FHIP2B: variants seen among roughly 807,000 people sequenced by gnomAD.
FHIP2B encodes the protein FHF complex subunit HOOK-interacting protein 2B.
In FHIP2B, 72 loss-of-function variants were observed where a neutral mutation model predicts 84.0. That is an observed-to-expected ratio of 0.86 (90% CI 0.71 to 1.04). The LOEUF is 1.04. FHIP2B is among the 50% of genes least tolerant of loss of function. The pLI is 0.00. For missense variants in FHIP2B, 972 were observed against 968.9 expected (o/e 1.00, Z -0.04); for synonymous variants, 497 against 418.7 (o/e 1.19, Z -2.28).
In FHIP2B at chr8:22,101,774, C is replaced by T; in HGVS notation, c.1774C>T (p.His592Tyr). ...TCTGACCCCCACACCTTTGGACCCC[C>T]ATGAGCCCGAGCGACCTTTCTTCGA... is the stretch of plus-strand genomic sequence containing the variant. ...WPLTPTPLDP[H>Y]EPERPFFEGH... Residue 592 changes from histidine (H) to tyrosine (Y), a missense_variant, in exon 14 of 17, where the codon CAT becomes TAT. Physicochemically the swap from His to Tyr is moderately conservative, Grantham distance 83. Transcript: ENST00000289921. 2 of 1,613,500 alleles carry T rather than the reference C, an allele frequency of 1.2e-6. No homozygotes were observed. The highest frequency in any genetic ancestry group is 1.7e-6 in the Non-Finnish European group (2 of 1,179,774).
At chr8:22,090,132 G>A (rs1397245020) in intron 1 of FHIP2B, among the ~76,000 whole-genome samples, 1 of 137,088 alleles carries the variant, frequency 7.3e-6, no homozygotes, top group African/African-American at 2.7e-5. Flanking sequence ...TGTAGGAAGG[G>A]TGGGGGTATT....
At chr8:22,099,250 AG>A (rs1825965050) in intron 8 of FHIP2B, 33 bp from the exon 9 acceptor site, 1 of 1,610,110 alleles carries the variant, frequency 6.2e-7, no homozygotes, top group Non-Finnish European at 8.5e-7. Flanking sequence ...AATTGTAATG[AG>A]GGCAAAACAC....
At chr8:22,094,929 G>T (rs937483348) in intron 2 of FHIP2B, 1 of 1,068,774 alleles carries the variant, frequency 9.4e-7, no homozygotes, top group Non-Finnish European at 1.1e-6. Context: ...CAGCTTAGGG[G>T]CAATGTCCTT....
intron 2 of FHIP2B, 173 bp downstream of exon 2, chr8:22,094,691 C>A: frequency 7.0e-7 from 1 of 1,435,380 alleles, no homozygotes; most frequent in Admixed American, 3.1e-5. Context: ...GAGCCCTGGG[C>A]CACTCCACTC....
At chr8:22,101,407 G>A (rs749555048) in intron 12 of FHIP2B, 33 bp from the exon 13 acceptor site, 31 of 1,545,042 alleles carry the variant, frequency 2.0e-5, no homozygotes, top group South Asian at 2.0e-4. Context: ...AGGGTGAGCC[G>A]GGAGCGCCTC....
At chr8:22,095,714 T>C (rs927744008) in intron 2 of FHIP2B, 6 of 152,222 alleles carry the variant, frequency 3.9e-5, no homozygotes, top group Non-Finnish European at 5.9e-5. Context: ...GCTCCAAGTC[T>C]AGCCCTGAAG....
rs367649297 is a variant in FHIP2B, at chr8:22,099,868, G to A, written c.1316G>A (p.Gly439Glu). 15 of 1,611,722 alleles carry A rather than the reference G, an allele frequency of 9.3e-6. No individual in the cohort carries two copies. In the Admixed American group the frequency reaches 1.5e-4, roughly 16 times the overall value. Residue 439 changes from glycine (G) to glutamate (E), a missense_variant, in exon 10 of 17, where the codon GGG (glycine) becomes GAG (glutamate). Transcript: ENST00000289921. ...CACACCCTGTATGCTCATCTCATCG[G>A]GCATTGTGACCACCTCTCTGATGAG... ...NPHTLYAHLI[G>E]HCDHLSDEIS...
At chr8:22,099,129 A>G in intron 8 of FHIP2B, 73 bp downstream of exon 8, 1 of 1,504,128 alleles carries the variant, frequency 6.6e-7, no homozygotes, top group South Asian at 1.2e-5. Flanking sequence ...GACCAAGTGG[A>G]GCAGGGACAT....
intron 2 of FHIP2B, chr8:22,096,123 C>T: frequency 3.9e-6 from 2 of 516,294 alleles, no homozygotes; most frequent in South Asian, 5.5e-5. Context: ...CATGCGTTCT[C>T]AGAGGACTGT....
Position 22,094,462 on chromosome 8 carries a change from T to C in FHIP2B, c.68T>C (p.Leu23Pro), listed in dbSNP as rs867583478. Residue 23 changes from leucine (L) to proline (P), a missense_variant, in exon 2 of 17, where the codon CTG becomes CCG. By Grantham distance (98) the Leu-to-Pro change is moderately conservative. Coordinates refer to ENST00000289921, the MANE Select transcript of FHIP2B (RefSeq NM_022749.7). ...VGAREPSIDL[L>P]QAFVEHWKGI... ...CAGCGCGAGCCCAGCATTGACCTGC[T>C]GCAGGCCTTCGTGGAGCACTGGAAG... 4 of 1,611,526 alleles carry C rather than the reference T, an allele frequency of 2.5e-6. No homozygotes were observed. Among genetic ancestry groups the C allele is most frequent in the Middle Eastern group, 3.3e-4 (2 of 6,004 alleles).
chr8:22,099,423 C>T lies in FHIP2B; in HGVS notation c.1151+63C>T, dbSNP rs1825978530. Reference sequence around the variant, plus strand: ...CAGTAAACCACCTACCCCACCCAGCCTCGTCCTGTCCCTAAGGCCAGACAC... The same window carrying T: ...CAGTAAACCACCTACCCCACCCAGCTTCGTCCTGTCCCTAAGGCCAGACAC... On this transcript the variant is annotated intron_variant, in intron 9 of 16. Transcript: ENST00000289921. 2.0e-6 allele frequency: 3 copies of T among 1,537,174 alleles called. No homozygotes were observed. In the East Asian group the frequency reaches 6.9e-5, roughly 35 times the overall value.
chr8:22,101,073 T>C, intron 12 of FHIP2B, 101 bp downstream of exon 12: 1 of 1,433,384 alleles, frequency 7.0e-7, no homozygotes. Context: ...TGGAGTGCAG[T>C]GGTACAATCT....
chr8:22,100,244 C>T (rs1247968176), intron 10 of FHIP2B: 3 of 371,498 alleles, frequency 8.1e-6, no homozygotes, highest in East Asian at 5.1e-5. Context: ...TATTTTTTTA[C>T]AGTATTTTAT....
chr8:22,099,077 G>C, intron 8 of FHIP2B, 21 bp downstream of exon 8: 3 of 1,560,830 alleles, frequency 1.9e-6, no homozygotes, highest in Non-Finnish European at 2.6e-6. Flanking sequence ...GCGGGCGGAG[G>C]CCGGGCTCTC....
chr8:22,091,240 C>CTTTTT (rs71204535), intron 1 of FHIP2B, among the ~76,000 whole-genome samples: 3 of 117,710 alleles, frequency 2.5e-5, no homozygotes, highest in African/African-American at 9.2e-5. Context: ...ATCATTACAG[C>CTTTTT]TTTTTTTTTT....
chr8:22,103,212 T>G lies in FHIP2B; in HGVS notation c.*281T>G. On this transcript the variant is annotated 3_prime_UTR_variant, in exon 17 of 17. Transcript: ENST00000289921. Reference sequence around the variant, plus strand: ...TGAGCACCCAGACCCCAGACCCTCATGTGCTGTGTGCCTGGCCCCTTCTGT... The same window carrying G: ...TGAGCACCCAGACCCCAGACCCTCAGGTGCTGTGTGCCTGGCCCCTTCTGT... 2.2e-6 allele frequency: 1 copy of G among 464,484 alleles called. No individual in the cohort carries two copies. The highest frequency in any genetic ancestry group is 3.9e-6 in the Non-Finnish European group (1 of 254,408). The allele number at this position is 464,484 out of a possible 1,614,324, so 28.8% of individuals were successfully genotyped here. A position where few individuals can be genotyped will look rare whatever the true frequency, so the allele number is the denominator to read the frequency against.
In FHIP2B at chr8:22,103,080, C is replaced by G; in HGVS notation, c.*149C>G. On this transcript the variant is annotated 3_prime_UTR_variant, in exon 17 of 17. Transcript: ENST00000289921. ...ACTGCGGCATGTTGACCACACCAGACTGGGTTTCAGGGAATGGGCATGCCA... is the reference window on the plus strand; with the variant it reads ...ACTGCGGCATGTTGACCACACCAGAGTGGGTTTCAGGGAATGGGCATGCCA... The G allele has an allele frequency of 9.2e-7, 1 of 1,081,122 alleles. No individual in the cohort carries two copies. The highest frequency in any genetic ancestry group is 1.3e-6 in the Non-Finnish European group (1 of 774,164). 67.0% of individuals were successfully genotyped at this position (1,081,122 alleles called of 1,614,324 possible).
chr8:22,096,570 G>A, intron 3 of FHIP2B, 61 bp downstream of exon 3: 4 of 1,436,208 alleles, frequency 2.8e-6, no homozygotes, highest in Non-Finnish European at 3.7e-6. Context: ...CGCTTGGCCA[G>A]GCCGAGGTGG....
chr8:22,099,445 A>G (rs1825979882), intron 9 of FHIP2B, 85 bp downstream of exon 9: 1 of 1,406,564 alleles, frequency 7.1e-7, no homozygotes. Flanking sequence ...CTAAGGCCAG[A>G]CACCTTCTTG....
Sources: allele counts gnomAD v4.1 joint callset (sites outside exome capture counted in the v4.1 genomes callset), GRCh38; gene constraint gnomAD v4.1.1; transcripts MANE v1.5; gene names NCBI Gene and HGNC (gene_info 2026-07-23, HGNC 2026-07-21).